The following PDE1C variants were observed in gnomAD, a reference collection of about 807,000 sequenced individuals.
The protein encoded by PDE1C is phosphodiesterase 1C.
In PDE1C, 62 loss-of-function variants were observed where a neutral mutation model predicts 93.1. The ratio of observed to expected loss-of-function variants is 0.67; its 90% CI spans 0.54 to 0.82. PDE1C has a LOEUF of 0.82. Among genes scored for constraint, PDE1C ranks in the 40% least tolerant of loss-of-function variants. The probability of loss-of-function intolerance (pLI) is 0.00; values close to 1 mark genes in which losing one functional copy is unlikely to be tolerated. For synonymous variants in PDE1C, 325 were observed against 310.1 expected, an observed-to-expected ratio of 1.05 and a Z score of -0.50; for missense variants, 742 against 884.6, an observed-to-expected ratio of 0.84 and a Z score of 2.04.
chr7:32,290,517 C>A (rs215599), intron 1 of PDE1C, among the ~76,000 whole-genome samples: 1 of 152,060 alleles, frequency 6.6e-6, no homozygotes, highest in Non-Finnish European at 1.5e-5. Context: ...AAGAAGGAAT[C>A]GCTATCCCCA....
the PDE1C span, among the ~76,000 whole-genome samples, chr7:31,641,438 T>C: frequency 1.1e-4 from 17 of 152,128 alleles, 1 homozygote; most frequent in Admixed American, 8.5e-4. Flanking sequence ...TTAGAGCCTA[T>C]ACTGTGGTAT....
intron 1 of PDE1C, among the ~76,000 whole-genome samples, chr7:32,340,176 G>A (rs1783721320): frequency 6.6e-6 from 1 of 152,176 alleles, no homozygotes; most frequent in South Asian, 2.1e-4. Flanking sequence ...CAGGGAGCAG[G>A]ATGGTTGAAA....
intron 2 of PDE1C, among the ~76,000 whole-genome samples, chr7:32,004,862 C>G (rs1420600402): frequency 6.6e-6 from 1 of 152,138 alleles, no homozygotes; most frequent in Non-Finnish European, 1.5e-5. Context: ...TTATTGAGAA[C>G]AGAATACACT....
At chr7:32,283,011 T>C (rs1279523638) in intron 1 of PDE1C, among the ~76,000 whole-genome samples, 2 of 152,200 alleles carry the variant, frequency 1.3e-5, no homozygotes, top group African/African-American at 4.8e-5. Context: ...GTGGGAGTTG[T>C]TTAGAATGTA....
Position 31,857,446 on chromosome 7 carries a change from C to G in PDE1C, c.751-6705G>C, listed in dbSNP as rs1345227262. Among the ~76,000 whole-genome samples the G allele has an allele frequency of 2.0e-5, 3 of 152,112 alleles. No individual in the cohort carries two copies. In the East Asian group the frequency reaches 5.8e-4, roughly 29 times the overall value. On this transcript the variant is annotated intron_variant, in intron 7 of 17. Coordinates refer to ENST00000396191, the MANE Select transcript of PDE1C (RefSeq NM_001191057.4). ...TTCTGGATAGCTCTTTAAAAGTGGG[C>G]AGATTTATTTGGTTTCCAACTTTTG...
intron 5 of PDE1C, among the ~76,000 whole-genome samples, chr7:31,873,702 T>C (rs755222615): frequency 7.2e-5 from 11 of 152,240 alleles, no homozygotes; most frequent in Admixed American, 7.2e-4. Context: ...AAAACAACTC[T>C]AAGTGATAGA....
chr7:32,085,151 T>TA (rs1323640472), intron 3 of PDE1C, among the ~76,000 whole-genome samples: 1 of 151,274 alleles, frequency 6.6e-6, no homozygotes, highest in Admixed American at 6.6e-5. Flanking sequence ...ATAGACGCAA[T>TA]AAAAAATGAT....
chr7:32,127,815 T>C (rs997140040), intron 3 of PDE1C, among the ~76,000 whole-genome samples: 4 of 151,982 alleles, frequency 2.6e-5, no homozygotes, highest in Admixed American at 6.6e-5. Context: ...TATTTAACCA[T>C]AAAGTTAGTA....
At chr7:31,723,256 C>CT in the PDE1C span, among the ~76,000 whole-genome samples, 2,112 of 152,286 alleles carry the variant, frequency 0.014, 20 homozygotes, top group Non-Finnish European at 0.02. Flanking sequence ...GTTTTGCAGC[C>CT]TGACACCTCT....
chr7:31,886,025 C>T (rs1222010063), intron 2 of PDE1C, among the ~76,000 whole-genome samples: 1 of 152,146 alleles, frequency 6.6e-6, no homozygotes, highest in Non-Finnish European at 1.5e-5. Flanking sequence ...TCCTAAAATG[C>T]CAGTGTAACC....
At chr7:31,742,637 A>T in the PDE1C span, among the ~76,000 whole-genome samples, 1 of 152,196 alleles carries the variant, frequency 6.6e-6, no homozygotes, top group Admixed American at 6.5e-5. Flanking sequence ...CCACATTCTC[A>T]AAGATTAATT....
At chr7:31,639,692 A>G in the PDE1C span, among the ~76,000 whole-genome samples, 1 of 151,840 alleles carries the variant, frequency 6.6e-6, no homozygotes, top group Admixed American at 6.6e-5. Context: ...GCCTGCCACC[A>G]TGCCCGGCTA....
chr7:31,838,859 T>C (rs573890004), intron 9 of PDE1C, among the ~76,000 whole-genome samples: 154 of 152,130 alleles, frequency 1.0e-3, no homozygotes, highest in Non-Finnish European at 1.9e-3. Context: ...TGATACCAAA[T>C]ACTTCCATCA....
At chr7:32,149,722 G>A (rs1801122583) in intron 3 of PDE1C, among the ~76,000 whole-genome samples, 1 of 152,174 alleles carries the variant, frequency 6.6e-6, no homozygotes, top group African/African-American at 2.4e-5. Context: ...CGTTCATAAA[G>A]AAAGTCCATC....
chr7:32,385,574 C>A (rs1203819758), intron 1 of PDE1C, among the ~76,000 whole-genome samples: 1 of 152,106 alleles, frequency 6.6e-6, no homozygotes, highest in Non-Finnish European at 1.5e-5. Flanking sequence ...TGGTAGGAAG[C>A]CCATCCTGGG....
the PDE1C span, among the ~76,000 whole-genome samples, chr7:31,637,184 C>A: frequency 6.6e-6 from 1 of 151,886 alleles, no homozygotes; most frequent in Non-Finnish European, 1.5e-5. Context: ...GTGAATAGTG[C>A]CGCAATAAAC....
At chr7:31,970,238 G>A (rs1044607770) in intron 2 of PDE1C, among the ~76,000 whole-genome samples, 4 of 152,216 alleles carry the variant, frequency 2.6e-5, no homozygotes, top group African/African-American at 9.7e-5. Flanking sequence ...ATATCATTGA[G>A]TCAGTGGACA....
chr7:31,855,143 G>A (rs1227850795), intron 7 of PDE1C, among the ~76,000 whole-genome samples: 1 of 151,946 alleles, frequency 6.6e-6, no homozygotes, highest in East Asian at 1.9e-4. Flanking sequence ...GGCCAGTGTG[G>A]ATGGGTTCTC....
intron 2 of PDE1C, among the ~76,000 whole-genome samples, chr7:31,909,379 C>G (rs1234364805): frequency 1.3e-5 from 2 of 152,126 alleles, no homozygotes; most frequent in Non-Finnish European, 2.9e-5. Flanking sequence ...TTGACAAACG[C>G]CTAACAAGTG....
Sources: allele counts gnomAD v4.1 joint callset (sites outside exome capture counted in the v4.1 genomes callset), GRCh38; gene constraint gnomAD v4.1.1; transcripts MANE v1.5; gene names NCBI Gene and HGNC (gene_info 2026-07-23, HGNC 2026-07-21).